SLC30A9: variants seen among roughly 807,000 people sequenced by gnomAD.
SLC30A9 encodes solute carrier family 30 member 9, also known as proton-coupled zinc antiporter SLC30A9, mitochondrial.
SLC30A9 carries 58 observed loss-of-function variants against 87.5 expected under a neutral mutation model. The observed-to-expected ratio is 0.66, with a 90% CI of 0.54 to 0.82. The LOEUF is 0.82. Ranked by LOEUF, SLC30A9 falls within the 40% of genes least tolerant of loss-of-function variation. The pLI is 0.00. For missense variants in SLC30A9, 557 were observed against 679.1 expected (o/e 0.82, Z 2.00); for synonymous variants, 234 against 233.0 (o/e 1.00, Z -0.04).
chr4:42,019,861 C>G (rs957128542), intron 3 of SLC30A9, among the ~76,000 whole-genome samples: 4 of 152,028 alleles, frequency 2.6e-5, no homozygotes, highest in African/African-American at 9.7e-5. Flanking sequence ...GTGGCATGAT[C>G]TGGCTCACTG....
Position 42,018,133 on chromosome 4 carries a change from C to G in SLC30A9, c.297C>G (p.Leu99=). The G allele has an allele frequency of 6.4e-7, 1 of 1,566,006 alleles. No individual in the cohort carries two copies. Among genetic ancestry groups the G allele is most frequent in the Non-Finnish European group, 8.8e-7 (1 of 1,139,446 alleles). ...FETAEGIGTE[L]KAPLKQEPLQ... The stretch of plus-strand genomic sequence containing the variant: ...CAGCAGAAGGTATAGGCACAGAACT[C>G]AAAGCTCCACTTAAGCAAGAACCTC... Residue 99 remains leucine, a synonymous_variant, in exon 3 of 18, where the codon CTC becomes CTG. Transcript: ENST00000264451.
chr4:42,068,471 G>A (rs563937269), intron 14 of SLC30A9, among the ~76,000 whole-genome samples: 22 of 151,716 alleles, frequency 1.5e-4, no homozygotes, highest in Admixed American at 7.9e-4. Flanking sequence ...TCAAACTCCC[G>A]ACCTCGGGGG....
rs1402090432 is a variant in SLC30A9, at chr4:42,075,759, A to G, written c.1521A>G (p.Glu507=). The G allele has an allele frequency of 1.2e-6, 2 of 1,611,950 alleles. No homozygotes were observed. The highest frequency in any genetic ancestry group is 2.2e-5 in the East Asian group (1 of 44,746). Residue 507 remains glutamate (E), a synonymous_variant, in exon 16 of 18, where the codon GAA becomes GAG. Transcript: ENST00000264451. The stretch of plus-strand genomic sequence containing the variant: ...GAGTTGTTACAAGATCATATTTGGA[A>G]AAACAAGATTTTGACCAAATGTTAC... ...DGRVVTRSYL[E]KQDFDQMLQE... is the part of the protein sequence containing the mutation.
At chr4:42,075,330 T>A (rs1342606896) in intron 15 of SLC30A9, among the ~76,000 whole-genome samples, 2 of 151,714 alleles carry the variant, frequency 1.3e-5, no homozygotes, top group Non-Finnish European at 2.9e-5. Flanking sequence ...CTGCTCGGCC[T>A]CCGAAAGTGT....
intron 8 of SLC30A9, among the ~76,000 whole-genome samples, chr4:42,047,868 A>C (rs1193062624): frequency 1.3e-5 from 2 of 152,238 alleles, no homozygotes; most frequent in Non-Finnish European, 2.9e-5. Context: ...AAAATGTGGC[A>C]CATATACACC....
intron 15 of SLC30A9, among the ~76,000 whole-genome samples, chr4:42,073,461 T>C (rs1718397617): frequency 6.6e-6 from 1 of 152,218 alleles, no homozygotes; most frequent in Non-Finnish European, 1.5e-5. Flanking sequence ...AGTATATTAG[T>C]TACCTACTGC....
chr4:42,022,021 C>T lies in SLC30A9; in HGVS notation c.435-817C>T, dbSNP rs62302111. On this transcript the variant is annotated intron_variant, in intron 4 of 17. Coordinates refer to ENST00000264451, the MANE Select transcript of SLC30A9 (RefSeq NM_006345.4). ...CACAATCTCGGCTCACTGCAAGCTC[C>T]GCTTCCCGGGTTCACGCCATTCTCC... Among the ~76,000 whole-genome samples the T allele has an allele frequency of 2.1e-4, 10 of 47,332 alleles. 4 individuals carry two copies. Among genetic ancestry groups the T allele is most frequent in the Admixed American group, 7.0e-4 (2 of 2,858 alleles). The allele number at this position is 47,332 out of a possible 152,430, so 31.1% of individuals were successfully genotyped here.
At chr4:42,033,269 C>T (rs567285707) in intron 6 of SLC30A9, among the ~76,000 whole-genome samples, 1 of 151,948 alleles carries the variant, frequency 6.6e-6, no homozygotes, top group South Asian at 2.1e-4. Context: ...CATCTCTGTC[C>T]TTTCCACTCT....
chr4:42,061,789 A>G (rs532889288), intron 10 of SLC30A9, among the ~76,000 whole-genome samples: 26 of 151,968 alleles, frequency 1.7e-4, no homozygotes, highest in African/African-American at 6.0e-4. Flanking sequence ...AATCCCAGCT[A>G]CTCGGGAAGC....
At chr4:42,017,651 T>A (rs937652219) in intron 2 of SLC30A9, among the ~76,000 whole-genome samples, 3 of 152,146 alleles carry the variant, frequency 2.0e-5, no homozygotes, top group Admixed American at 1.3e-4. Context: ...TGTACAGTTG[T>A]CCCAGTCCCA....
chr4:42,079,203 T>C (rs1365964133), intron 17 of SLC30A9, among the ~76,000 whole-genome samples: 1 of 152,158 alleles, frequency 6.6e-6, no homozygotes, highest in African/African-American at 2.4e-5. Flanking sequence ...GAGTTATAGT[T>C]ATTGATATTT....
At chr4:42,006,091 A>C (rs928573739) in intron 2 of SLC30A9, among the ~76,000 whole-genome samples, 2 of 152,198 alleles carry the variant, frequency 1.3e-5, no homozygotes, top group Non-Finnish European at 2.9e-5. Context: ...TTTACTTAGC[A>C]TTTGCATTGA....
At chr4:42,051,159 G>A (rs1354167873) in intron 9 of SLC30A9, among the ~76,000 whole-genome samples, 1 of 152,050 alleles carries the variant, frequency 6.6e-6, no homozygotes, top group Non-Finnish European at 1.5e-5. Flanking sequence ...ATTGATTATC[G>A]AGGCCAATGG....
At chr4:42,075,181 C>T (rs1214328278) in intron 15 of SLC30A9, among the ~76,000 whole-genome samples, 3 of 143,334 alleles carry the variant, frequency 2.1e-5, no homozygotes, top group Non-Finnish European at 4.5e-5. Flanking sequence ...TCAAGCAATT[C>T]TCCTGTCTCA....
intron 15 of SLC30A9, among the ~76,000 whole-genome samples, chr4:42,073,404 G>C (rs1392796786): frequency 6.6e-6 from 1 of 152,108 alleles, no homozygotes; most frequent in Non-Finnish European, 1.5e-5. Flanking sequence ...TCAATTATTG[G>C]AAAAAATACG....
At chr4:41,999,703 G>T (rs76435872) in intron 1 of SLC30A9, among the ~76,000 whole-genome samples, 3,589 of 151,964 alleles carry the variant, frequency 0.024, 149 homozygotes, top group African/African-American at 0.082. Flanking sequence ...AAGACATTCT[G>T]TAGCTTAAAA....
At chr4:42,079,380 G>A (rs868607512) in intron 17 of SLC30A9, among the ~76,000 whole-genome samples, 18 of 150,252 alleles carry the variant, frequency 1.2e-4, no homozygotes, top group African/African-American at 3.7e-4. Context: ...TGTAACCTCC[G>A]TCTCCTGGGT....
intron 8 of SLC30A9, among the ~76,000 whole-genome samples, chr4:42,042,436 C>G (rs1035710391): frequency 6.6e-6 from 1 of 152,092 alleles, no homozygotes; most frequent in Non-Finnish European, 1.5e-5. Flanking sequence ...TTTCCCCTCA[C>G]AGTGTAAACA....
At chr4:42,057,728 C>T (rs1186611982) in intron 9 of SLC30A9, among the ~76,000 whole-genome samples, 2 of 152,176 alleles carry the variant, frequency 1.3e-5, no homozygotes, top group African/African-American at 2.4e-5. Context: ...TTGAATTTCT[C>T]CTCAGAAAAT....
Sources: allele counts gnomAD v4.1 joint callset (sites outside exome capture counted in the v4.1 genomes callset), GRCh38; gene constraint gnomAD v4.1.1; transcripts MANE v1.5; gene names NCBI Gene and HGNC (gene_info 2026-07-23, HGNC 2026-07-21).